CFI: variants seen among roughly 807,000 people sequenced by gnomAD.
The protein encoded by CFI is complement factor I, also known as C3B/C4B inactivator.
CFI carries 66 observed loss-of-function variants against 78.8 expected under a neutral mutation model. The observed-to-expected ratio is 0.84, with a 90% confidence interval of 0.69 to 1.03. The LOEUF (loss-of-function observed/expected upper bound fraction) is 1.03. CFI is among the 50% of genes least tolerant of loss of function. CFI has a pLI of 0.00. For synonymous variants in CFI, 250 were observed against 232.6 expected (o/e 1.07, Z -0.68); for missense variants, 706 against 704.5 (o/e 1.00, Z -0.02).
chr4:109,764,823 A>C, intron 2 of CFI, 133 bp from the exon 3 acceptor site: 1 of 814,144 alleles, frequency 1.2e-6, no homozygotes, highest in Non-Finnish European at 2.0e-6. Flanking sequence ...AACAAGTAAT[A>C]GTAAGCAATC....
chr4:109,760,005 G>C, intron 6 of CFI: 1 of 588,426 alleles, frequency 1.7e-6, no homozygotes, highest in South Asian at 1.7e-5. Flanking sequence ...GGTGGAAAAT[G>C]GGTACTTAAG....
At chr4:109,756,917 G>GAA (rs1192432217) in intron 7 of CFI, among the ~76,000 whole-genome samples, 1 of 121,938 alleles carries the variant, frequency 8.2e-6, no homozygotes, top group African/African-American at 3.2e-5. Context: ...AAGAAAGAAA[G>GAA]AAAGAAAGAA....
intron 1 of CFI, among the ~76,000 whole-genome samples, chr4:109,792,786 T>C (rs548830030): frequency 4.6e-5 from 7 of 152,340 alleles, no homozygotes; most frequent in African/African-American, 1.7e-4. Flanking sequence ...GGTATTAGTA[T>C]AGCCACTTTA....
rs900805821 is a variant in CFI at position 109,772,103 on chromosome 4, G to A, written c.58-5279C>T. On this transcript the variant is annotated intron_variant, in intron 1 of 12. Transcript: ENST00000394634. Reference sequence around the variant, plus strand: ...TCAGATGGATGGTAAAGGATAACACGAACACAGTGGCTGTTAACAAGGGCA... The same window carrying A: ...TCAGATGGATGGTAAAGGATAACACAAACACAGTGGCTGTTAACAAGGGCA... Among the ~76,000 whole-genome samples the A allele has an allele frequency of 9.2e-5, 14 of 152,318 alleles. No individual in the cohort carries two copies. In the East Asian group the frequency reaches 1.7e-3, roughly 19 times the overall value.
intron 6 of CFI, 182 bp downstream of exon 6, chr4:109,760,088 G>T: frequency 1.4e-6 from 1 of 698,858 alleles, no homozygotes; most frequent in South Asian, 1.5e-5. Context: ...GAAATAACAA[G>T]TAGATATTTA....
intron 1 of CFI, among the ~76,000 whole-genome samples, chr4:109,780,252 C>A (rs568128370): frequency 6.6e-6 from 1 of 152,044 alleles, no homozygotes; most frequent in African/African-American, 2.4e-5. Context: ...ACCCATCTGA[C>A]GACAGGCTAA....
At chr4:109,767,666 A>C (rs1352029728) in intron 1 of CFI, among the ~76,000 whole-genome samples, 2 of 149,228 alleles carry the variant, frequency 1.3e-5, no homozygotes, top group East Asian at 2.0e-4. Context: ...CAATAGGAAC[A>C]CTTTTACACT....
At chr4:109,752,727 A>C (rs573983113) in intron 7 of CFI, among the ~76,000 whole-genome samples, 310 of 150,152 alleles carry the variant, frequency 2.1e-3, no homozygotes, top group Non-Finnish European at 3.4e-3. Context: ...TGCTGGCACA[A>C]ACTAGAGATA....
chr4:109,771,234 A>T (rs1172841632), intron 1 of CFI, among the ~76,000 whole-genome samples: 1 of 151,714 alleles, frequency 6.6e-6, no homozygotes, highest in African/African-American at 2.4e-5. Context: ...TACTCAAAAT[A>T]CAAAAAAAAT....
chr4:109,768,245 C>A (rs1328340443), intron 1 of CFI, among the ~76,000 whole-genome samples: 9 of 125,250 alleles, frequency 7.2e-5, no homozygotes, highest in Non-Finnish European at 1.4e-4. Flanking sequence ...AACTAACCTG[C>A]ACATTGTGCA....
At chr4:109,770,339 C>G (rs1728407088) in intron 1 of CFI, among the ~76,000 whole-genome samples, 1 of 151,974 alleles carries the variant, frequency 6.6e-6, no homozygotes, top group Non-Finnish European at 1.5e-5. Context: ...GTGGGAGGAT[C>G]AGTTGAGGTC....
chr4:109,755,575 G>A (rs901837177), intron 7 of CFI, among the ~76,000 whole-genome samples: 1 of 152,042 alleles, frequency 6.6e-6, no homozygotes, highest in Non-Finnish European at 1.5e-5. Flanking sequence ...GAGTGGGCTT[G>A]TTATATACAA....
intron 1 of CFI, among the ~76,000 whole-genome samples, chr4:109,796,844 G>A (rs908392978): frequency 2.0e-5 from 3 of 152,102 alleles, no homozygotes; most frequent in Admixed American, 1.3e-4. Flanking sequence ...AAAGAATAAA[G>A]CACTTAGAAA....
intron 1 of CFI, among the ~76,000 whole-genome samples, chr4:109,798,171 A>G (rs1289135532): frequency 3.9e-5 from 6 of 152,308 alleles, no homozygotes; most frequent in African/African-American, 1.4e-4. Context: ...GTGGTTGCCA[A>G]GGACTGGGTG....
intron 1 of CFI, among the ~76,000 whole-genome samples, chr4:109,800,321 G>GTTTTTTT (rs554145445): frequency 2.1e-5 from 1 of 48,774 alleles, no homozygotes; most frequent in Non-Finnish European, 3.5e-5. Context: ...TGGCTTCTCT[G>GTTTTTTT]TTTTTTTTTT....
chr4:109,775,467 G>T (rs1284993383), intron 1 of CFI, among the ~76,000 whole-genome samples: 2 of 152,236 alleles, frequency 1.3e-5, no homozygotes, highest in Admixed American at 1.3e-4. Flanking sequence ...GTCTGCCATT[G>T]CTGAGGCTTG....
At chr4:109,788,185 A>G (rs1242007750) in intron 1 of CFI, among the ~76,000 whole-genome samples, 1 of 152,142 alleles carries the variant, frequency 6.6e-6, no homozygotes, top group Non-Finnish European at 1.5e-5. Flanking sequence ...GAATCTCCTT[A>G]TATAATACAC....
At chr4:109,771,385 C>T (rs1728563845) in intron 1 of CFI, among the ~76,000 whole-genome samples, 1 of 146,434 alleles carries the variant, frequency 6.8e-6, no homozygotes, top group Non-Finnish European at 1.5e-5. Flanking sequence ...GATGAAACCC[C>T]ATCTCTACTA....
intron 6 of CFI, chr4:109,758,038 T>C: frequency 9.2e-7 from 1 of 1,089,000 alleles, no homozygotes; most frequent in African/African-American, 1.6e-5. Flanking sequence ...TTATTAAATT[T>C]CAGACTAGTA....
Sources: gnomAD v4.1 joint callset for allele counts (sites outside exome capture counted in the v4.1 genomes callset) on GRCh38, gnomAD v4.1.1 for gene constraint, MANE v1.5 for transcripts, NCBI Gene and HGNC (gene_info 2026-07-23, HGNC 2026-07-21) for gene names.